PAX7: variants seen among roughly 807,000 people sequenced by gnomAD.
PAX7 encodes paired box 7.
In PAX7, 18 loss-of-function variants were observed where a neutral mutation model predicts 50.7. That is an observed-to-expected ratio of 0.36 (90% CI 0.25 to 0.53). PAX7 has a LOEUF of 0.53. Ranked by LOEUF, PAX7 falls within the 20% of genes least tolerant of loss-of-function variation. The probability of loss-of-function intolerance (pLI) is 0.93; values close to 1 mark genes in which losing one functional copy is unlikely to be tolerated. For synonymous variants in PAX7, 310 were observed against 290.4 expected (o/e 1.07, Z -0.69); for missense variants, 644 against 702.9 (o/e 0.92, Z 0.95).
At position 18,632,522 on chromosome 1, in the gene PAX7, GT is replaced by G. The variant is rs1049479209; in HGVS notation, c.85+839del. ...GCACAGCGGAGAGACCCGCTCCTGT[GT>G]TTTTGTTCTGTTTTCTTTTTAAACT... On this transcript the variant is annotated intron_variant, in intron 1 of 8. Transcript: ENST00000420770. The surrounding 1 kb of genome is among the most constrained non-coding windows in gnomAD (Gnocchi z 6.3). 6.6e-6 allele frequency among the ~76,000 whole-genome samples: 1 copy of G among 152,122 alleles called. No homozygotes were observed. The highest frequency in any genetic ancestry group is 2.4e-5 in the African/African-American group (1 of 41,440).
At chr1:18,725,302 G>GCCCCCCCCCCC (rs3216186) in intron 7 of PAX7, among the ~76,000 whole-genome samples, 6 of 106,360 alleles carry the variant, frequency 5.6e-5, no homozygotes, top group South Asian at 3.6e-4. Context: ...AGGTGGAGAC[G>GCCCCCCCCCCC]CCCCCCCCCC....
At chr1:18,725,266 T>C (rs1395390418) in intron 7 of PAX7, among the ~76,000 whole-genome samples, 1 of 149,824 alleles carries the variant, frequency 6.7e-6, no homozygotes, top group Admixed American at 6.7e-5. Flanking sequence ...AGAGCCAATC[T>C]GCATCCTCGT....
intron 4 of PAX7, among the ~76,000 whole-genome samples, chr1:18,656,373 C>G (rs538730312): frequency 2.0e-5 from 3 of 152,218 alleles, no homozygotes; most frequent in African/African-American, 7.2e-5. Context: ...GTGGTGCACA[C>G]CTGTAATCCC....
intron 8 of PAX7, among the ~76,000 whole-genome samples, chr1:18,743,160 G>A (rs778640353): frequency 5.3e-5 from 8 of 152,224 alleles, no homozygotes; most frequent in Non-Finnish European, 1.2e-4. Context: ...CACTTTGTAC[G>A]TATTTCTTCT....
intron 7 of PAX7, among the ~76,000 whole-genome samples, chr1:18,728,000 G>T (rs35437662): frequency 0.047 from 7,184 of 152,142 alleles, 263 homozygotes; most frequent in South Asian, 0.13. Context: ...CCTCTTAGTG[G>T]AGTATTGAGA....
intron 4 of PAX7, among the ~76,000 whole-genome samples, chr1:18,639,643 A>T (rs917115231): frequency 2.0e-5 from 3 of 152,106 alleles, no homozygotes; most frequent in African/African-American, 7.2e-5. Flanking sequence ...AAAGGAAAAG[A>T]TTTTCATAGA....
intron 4 of PAX7, among the ~76,000 whole-genome samples, chr1:18,640,094 G>C (rs927141971): frequency 6.6e-6 from 1 of 152,096 alleles, no homozygotes; most frequent in African/African-American, 2.4e-5. Context: ...CGAGGACGGC[G>C]AGTGAGGCAG....
Position 18,727,250 on chromosome 1 carries a change from T to C in PAX7, c.1156-8382T>C, listed in dbSNP as rs2089583690. On this transcript the variant is annotated intron_variant, in intron 7 of 8. Coordinates refer to ENST00000420770, the MANE Select transcript of PAX7 (RefSeq NM_001135254.2). ...TCACACAAGGACTTAGAAGCATGCA[T>C]ACAACACACACACACAGTACTTCCA... 2.0e-5 allele frequency among the ~76,000 whole-genome samples: 3 copies of C among 146,580 alleles called. No individual in the cohort carries two copies. The South Asian group carries it at 6.5e-4, about 32-fold the overall frequency.
At chr1:18,706,895 G>A (rs1437491710) in intron 7 of PAX7, among the ~76,000 whole-genome samples, 1 of 151,998 alleles carries the variant, frequency 6.6e-6, no homozygotes, top group African/African-American at 2.4e-5. Context: ...ACGCTGGCCA[G>A]CTTGCTACTA....
Position 18,635,213 on chromosome 1 carries a change from C to T in PAX7, c.424C>T (p.His142Tyr), listed in dbSNP as rs751061934. 16 of 1,613,668 alleles carry T rather than the reference C, an allele frequency of 9.9e-6. No individual in the cohort carries two copies. The highest frequency in any genetic ancestry group is 1.3e-5 in the Non-Finnish European group (15 of 1,179,874). The change falls in exon 3 of 9, where the codon CAC becomes TAC. Residue 142 changes from histidine to tyrosine, a missense_variant. His to Tyr is a moderately conservative substitution (Grantham distance 83). Coordinates refer to ENST00000420770, the MANE Select transcript of PAX7 (RefSeq NM_001135254.2). ...CCGGGACAGGCTGCTGAAGGATGGG[C>T]ACTGTGACCGAAGCACTGTGCCCTC... The part of the protein sequence containing the change: ...EIRDRLLKDG[H>Y]CDRSTVPSGL...
At chr1:18,674,961 G>A (rs2088804108) in intron 4 of PAX7, among the ~76,000 whole-genome samples, 1 of 152,174 alleles carries the variant, frequency 6.6e-6, no homozygotes, top group South Asian at 2.1e-4. Context: ...TGATTCTGAT[G>A]CTGCTAACAC....
chr1:18,674,046 G>A (rs974935785), intron 4 of PAX7, among the ~76,000 whole-genome samples: 8 of 152,212 alleles, frequency 5.3e-5, no homozygotes, highest in Middle Eastern at 3.2e-3. Context: ...CAACAATCAC[G>A]TTGGCTTGAA....
Position 18,636,452 on chromosome 1 carries a change from C to T in PAX7, c.586+81C>T, listed in dbSNP as rs57772733. 3.2e-3 allele frequency: 4,832 copies of T among 1,498,678 alleles called. 158 individuals are homozygous for T. In the African/African-American group the frequency reaches 0.06, roughly 19 times the overall value. 92.8% of individuals were successfully genotyped at this position (1,498,678 alleles called of 1,614,324 possible). On this transcript the variant is annotated intron_variant, in intron 4 of 8. Coordinates refer to ENST00000420770, the MANE Select transcript of PAX7 (RefSeq NM_001135254.2). The surrounding 1 kb of genome is among the most constrained non-coding windows in gnomAD (Gnocchi z 5.1). ...GTGCGGGCCAGTGGTTCGCTCCCGC[C>T]GCCGGAGCAGGCGACCAGAACTCCA...
At chr1:18,672,617 TG>T (rs1274909732) in intron 4 of PAX7, among the ~76,000 whole-genome samples, 2,177 of 147,820 alleles carry the variant, frequency 0.015, 98 homozygotes, top group African/African-American at 0.053. Context: ...TTTTTTTTTT[TG>T]TGAGACTAAG....
chr1:18,669,703 A>G (rs2088716378), intron 4 of PAX7, among the ~76,000 whole-genome samples: 2 of 151,830 alleles, frequency 1.3e-5, no homozygotes, highest in Non-Finnish European at 1.5e-5. Flanking sequence ...ACAATCCCAT[A>G]CTCTGCTGCT....
chr1:18,711,329 T>C (rs2089348845), intron 7 of PAX7, among the ~76,000 whole-genome samples: 1 of 152,174 alleles, frequency 6.6e-6, no homozygotes, highest in African/African-American at 2.4e-5. Flanking sequence ...ATTAGGTGCC[T>C]GGTGCAAGTA....
intron 7 of PAX7, among the ~76,000 whole-genome samples, chr1:18,712,056 C>T (rs1013132879): frequency 4.6e-5 from 7 of 152,200 alleles, no homozygotes; most frequent in Admixed American, 3.3e-4. Context: ...CTTTTTCCCC[C>T]GGTTCTCTTG....
chr1:18,678,844 C>G (rs568859718), intron 4 of PAX7, among the ~76,000 whole-genome samples: 44 of 152,224 alleles, frequency 2.9e-4, no homozygotes, highest in African/African-American at 1.1e-3. Flanking sequence ...GCAGGGTGGG[C>G]ATGTTTGAGC....
chr1:18,636,249 C>T lies in PAX7; in HGVS notation c.464C>T (p.Ser155Leu). Reference sequence around the variant, plus strand: ...TTGAATTTCTGAGGTTTAGTGAGTTCGATTAGCCGCGTGCTCAGAATCAAG... The same window carrying T: ...TTGAATTTCTGAGGTTTAGTGAGTTTGATTAGCCGCGTGCTCAGAATCAAG... ...RSTVPSGLVSSISRVLRIKFG... is the reference protein window; with the variant it reads ...RSTVPSGLVSLISRVLRIKFG... The change falls in exon 4 of 9, where the codon TCG (serine) becomes TTG (leucine). Residue 155 changes from serine (S) to leucine (L), a missense_variant. Ser to Leu is a moderately radical substitution (Grantham distance 145). Transcript: ENST00000420770. This position sits in a 1 kb window ranked among gnomAD's most constrained non-coding sequence, Gnocchi z 5.1. 1.9e-6 allele frequency: 3 copies of T among 1,614,004 alleles called. No individual in the cohort carries two copies. The highest frequency in any genetic ancestry group is 2.2e-5 in the East Asian group (1 of 44,866).
Sources: gnomAD v4.1 joint callset for allele counts (sites outside exome capture counted in the v4.1 genomes callset) on GRCh38, gnomAD v4.1.1 for gene constraint, Gnocchi (gnomAD v3.1) non-coding constraint, MANE v1.5 for transcripts, NCBI Gene and HGNC (gene_info 2026-07-23, HGNC 2026-07-21) for gene names.